The following MEF2D variants were observed in gnomAD, a reference collection of about 807,000 sequenced individuals.
MEF2D encodes the protein myocyte-specific enhancer factor 2D.
Under a neutral mutation model 59.3 loss-of-function variants are expected in MEF2D, and 10 were observed. That is an observed-to-expected ratio of 0.17 (90% CI 0.10 to 0.29). MEF2D has a LOEUF of 0.29. Ranked by LOEUF, MEF2D falls within the 10% of genes least tolerant of loss-of-function variation. The pLI is 1.00. For synonymous variants in MEF2D, 305 were observed against 295.0 expected (o/e 1.03, Z -0.35); for missense variants, 508 against 699.4 (o/e 0.73, Z 3.09).
intron 6 of MEF2D, among the ~76,000 whole-genome samples, chr1:156,478,086 G>A (rs1671737043): frequency 6.6e-6 from 1 of 152,178 alleles, no homozygotes; most frequent in South Asian, 2.1e-4. Context: ...GCCAAGTGAG[G>A]GCTCTCTCCC....
intron 1 of MEF2D, chr1:156,499,521 G>C (rs1010175241): frequency 6.6e-6 from 1 of 152,158 alleles, no homozygotes; most frequent in African/African-American, 2.4e-5. Context: ...GATTCACTAG[G>C]GGGAGGGGGC....
At position 156,464,393 on chromosome 1, in the gene MEF2D, T is replaced by C. The variant is rs969321765; in HGVS notation, c.*3252A>G. 2.2e-5 allele frequency: 3 copies of C among 137,134 alleles called. No individual in the cohort carries two copies. The highest frequency in any genetic ancestry group is 4.7e-5 in the Non-Finnish European group (3 of 64,272). 8.5% of individuals were successfully genotyped at this position (137,134 alleles called of 1,614,324 possible). A position where few individuals can be genotyped will look rare whatever the true frequency, so the allele number is the denominator to read the frequency against. On this transcript the variant is annotated 3_prime_UTR_variant, in exon 12 of 12. Transcript: ENST00000348159. ...CTGGGAGGGGGTCAGGGGTCAGTCT[T>C]GCTGCACTGAGTGTGCTGTTGAGGG...
chr1:156,467,747 G>C (rs1670948355), intron 11 of MEF2D, 91 bp from the exon 12 acceptor site: 4 of 1,297,486 alleles, frequency 3.1e-6, no homozygotes, highest in Non-Finnish European at 4.1e-6. Flanking sequence ...ATAGGGCCAG[G>C]ATTCTAGTGG....
intron 8 of MEF2D, among the ~76,000 whole-genome samples, chr1:156,476,185 C>T (rs761053915): frequency 2.6e-5 from 4 of 152,216 alleles, no homozygotes; most frequent in Non-Finnish European, 5.9e-5. Flanking sequence ...GACCTCTGAG[C>T]CCTGGGCTGG....
In MEF2D at chr1:156,468,969, G is replaced by C; in HGVS notation, c.1058C>G (p.Pro353Arg). The change falls in exon 10 of 12, where the codon CCT becomes CGT. Residue 353 changes from proline to arginine, a missense_variant. Physicochemically the swap from Pro to Arg is moderately radical, Grantham distance 103. This residue lies in a region of MEF2D where 481 missense variants were observed against 584.7 expected (regional missense o/e 0.82). Coordinates refer to ENST00000348159, the MANE Select transcript of MEF2D (RefSeq NM_005920.4). This position sits in a 1 kb window ranked among gnomAD's most constrained non-coding sequence, Gnocchi z 4.3. ...ELSSLPAFSS[P>R]GGLSLGNVTA... ...GACATTGCCTAGCGACAGCCCCCCA[G>C]GTGAACTAAAGGCTGGTAAGGAGGA... is the stretch of plus-strand genomic sequence containing the variant. The C allele has an allele frequency of 6.2e-7, 1 of 1,613,544 alleles. No homozygotes were observed. Among genetic ancestry groups the C allele is most frequent in the Non-Finnish European group, 8.5e-7 (1 of 1,179,520 alleles).
chr1:156,494,285 G>A (rs1202822702), intron 1 of MEF2D, among the ~76,000 whole-genome samples: 1 of 151,980 alleles, frequency 6.6e-6, no homozygotes, highest in Non-Finnish European at 1.5e-5. Flanking sequence ...CGCCTGCCGT[G>A]CATTTCTACT....
chr1:156,485,071 G>C (rs911864378), intron 1 of MEF2D, among the ~76,000 whole-genome samples: 3 of 152,084 alleles, frequency 2.0e-5, no homozygotes, highest in Non-Finnish European at 4.4e-5. Context: ...CTCCCCTCCA[G>C]AGCTCCCCTT....
chr1:156,482,155 C>T (rs759605719), intron 3 of MEF2D, among the ~76,000 whole-genome samples: 4 of 152,244 alleles, frequency 2.6e-5, no homozygotes, highest in Non-Finnish European at 4.4e-5. Flanking sequence ...AGAGATGTTA[C>T]ATCACACTGG....
intron 6 of MEF2D, among the ~76,000 whole-genome samples, chr1:156,477,766 A>G (rs943124129): frequency 2.6e-5 from 4 of 152,148 alleles, no homozygotes; most frequent in African/African-American, 4.8e-5. Context: ...TTGGATCAAC[A>G]TGTGACAAGT....
At position 156,497,613 on chromosome 1, in the gene MEF2D, C is replaced by A. The variant is rs537645377; in HGVS notation, c.-139+2873G>T. Among the ~76,000 whole-genome samples, 5 of 152,342 alleles carry A rather than the reference C, an allele frequency of 3.3e-5. No homozygotes were observed. The South Asian group carries it at 1.0e-3, about 32-fold the overall frequency. ...CTCCTCTTTTCCAGTAAGGCCACCACTCTCTCGACTAGAGGGGCAAAGAAG... is the reference window on the plus strand; with the variant it reads ...CTCCTCTTTTCCAGTAAGGCCACCAATCTCTCGACTAGAGGGGCAAAGAAG... On this transcript the variant is annotated intron_variant, in intron 1 of 11. Transcript: ENST00000348159.
In MEF2D at chr1:156,465,979, A is replaced by G. The variant is rs1277681336; in HGVS notation, c.*1666T>C. 6.6e-6 allele frequency: 1 copy of G among 152,278 alleles called. No homozygotes were observed. The highest frequency in any genetic ancestry group is 1.5e-5 in the Non-Finnish European group (1 of 68,098). 9.4% of individuals were successfully genotyped at this position (152,278 alleles called of 1,614,324 possible). On this transcript the variant is annotated 3_prime_UTR_variant, in exon 12 of 12. Coordinates refer to ENST00000348159, the MANE Select transcript of MEF2D (RefSeq NM_005920.4). The stretch of plus-strand genomic sequence containing the variant: ...GGGCTTGTGTGAAGGAGTGGGGCAG[A>G]CAGTCTGCCTGGCCACGTCACCCCA...
Position 156,468,883 on chromosome 1 carries a change from G to C in MEF2D, c.1144C>G (p.Gln382Glu). The C allele has an allele frequency of 6.2e-7, 1 of 1,613,698 alleles. No individual in the cohort carries two copies. The highest frequency in any genetic ancestry group is 1.1e-5 in the South Asian group (1 of 91,038). ...QPQQPQPPQQ[Q>E]PPQPQQPQPQ... ...TGTGGCTGCTGTGGCTGCGGTGGCTGCTGCTGTGGAGGCTGTGGCTGCTGC... is the reference window on the plus strand; with the variant it reads ...TGTGGCTGCTGTGGCTGCGGTGGCTCCTGCTGTGGAGGCTGTGGCTGCTGC... The change falls in exon 10 of 12, where the codon CAG (glutamine) becomes GAG (glutamate). Residue 382 changes from glutamine (Q) to glutamate (E), a missense_variant. Transcript: ENST00000348159. This position sits in a 1 kb window ranked among gnomAD's most constrained non-coding sequence, Gnocchi z 4.3.
intron 6 of MEF2D, among the ~76,000 whole-genome samples, chr1:156,478,235 C>T (rs1571234910): frequency 6.6e-6 from 1 of 152,170 alleles, no homozygotes; most frequent in East Asian, 1.9e-4. Flanking sequence ...ACATAATTAT[C>T]ACCAGGGAGG....
intron 6 of MEF2D, among the ~76,000 whole-genome samples, chr1:156,477,694 T>A (rs987620607): frequency 1.3e-4 from 20 of 152,132 alleles, no homozygotes; most frequent in Non-Finnish European, 2.9e-5. Context: ...CTGGTCACCA[T>A]GACAAACCAA....
Position 156,465,761 on chromosome 1 carries a change from ACGTGTGTACCTG to A in MEF2D, c.*1872_*1883del, listed in dbSNP as rs985541719. 2.0e-5 allele frequency: 3 copies of A among 152,176 alleles called. No homozygotes were observed. The highest frequency in any genetic ancestry group is 7.2e-5 in the African/African-American group (3 of 41,408). 9.4% of individuals were successfully genotyped at this position (152,176 alleles called of 1,614,324 possible). A position where few individuals can be genotyped will look rare whatever the true frequency, so the allele number is the denominator to read the frequency against. ...TGCCCTCATGAACACACTCAGGTACACGTGTGTACCTGCGTAGAGGCCCCTCTGCTTCTGGTT... is the reference window on the plus strand; with the variant it reads ...TGCCCTCATGAACACACTCAGGTACACGTAGAGGCCCCTCTGCTTCTGGTT... On this transcript the variant is annotated 3_prime_UTR_variant, in exon 12 of 12. Coordinates refer to ENST00000348159, the MANE Select transcript of MEF2D (RefSeq NM_005920.4).
At chr1:156,475,387 G>A (rs1571228098) in intron 8 of MEF2D, 150 bp from the exon 9 acceptor site, 1 of 869,620 alleles carries the variant, frequency 1.1e-6, no homozygotes, top group Non-Finnish European at 1.7e-6. Flanking sequence ...ACAAACACAC[G>A]TTGGTGCATT....
Position 156,477,112 on chromosome 1 carries a change from G to A in MEF2D, c.755C>T (p.Pro252Leu), listed in dbSNP as rs760467482. 3 of 1,613,932 alleles carry A rather than the reference G, an allele frequency of 1.9e-6. No homozygotes were observed. Among genetic ancestry groups the A allele is most frequent in the South Asian group, 2.2e-5 (2 of 91,074 alleles). ...SLNKVIPAKSPPPPTHSTQLG... is the reference protein window; with the variant it reads ...SLNKVIPAKSLPPPTHSTQLG... ...CTGGGTGCTGTGGGTAGGTGGGGGT[G>A]GAGACTTGGCAGGGATGACCTTGTT... The change falls in exon 7 of 12, where the codon CCA becomes CTA. Residue 252 changes from proline (P) to leucine (L), a missense_variant. By Grantham distance (98) the Pro-to-Leu change is moderately conservative. Transcript: ENST00000348159.
At chr1:156,475,500 A>G (rs185686673) in intron 8 of MEF2D, among the ~76,000 whole-genome samples, 12 of 152,332 alleles carry the variant, frequency 7.9e-5, no homozygotes, top group African/African-American at 2.6e-4. Flanking sequence ...CTGTGGCCCC[A>G]GCACCAACAC....
intron 1 of MEF2D, among the ~76,000 whole-genome samples, chr1:156,488,698 G>T (rs1006455850): frequency 5.3e-5 from 8 of 152,174 alleles, no homozygotes; most frequent in Admixed American, 5.2e-4. Context: ...CTGGGTACCT[G>T]AGCAATATTC....
Sources: gnomAD v4.1 joint callset for allele counts (sites outside exome capture counted in the v4.1 genomes callset) on GRCh38, gnomAD v4.1.1 for gene constraint, gnomAD v4.1.1 regional missense constraint, Gnocchi (gnomAD v3.1) non-coding constraint, MANE v1.5 for transcripts, NCBI Gene and HGNC (gene_info 2026-07-23, HGNC 2026-07-21) for gene names.